Variants in CACHD1 observed in about 807,000 individuals in gnomAD.
The protein encoded by CACHD1 is VWFA and cache domain-containing protein 1.
A neutral mutation model predicts 138.7 loss-of-function variants in CACHD1; 71 were observed. The ratio of observed to expected loss-of-function variants is 0.51; its 90% CI spans 0.42 to 0.62. CACHD1 has a LOEUF of 0.62. Among genes scored for constraint, CACHD1 ranks in the 20% least tolerant of loss-of-function variants. The pLI is 0.00. For missense variants in CACHD1, 1,389 were observed against 1,625.3 expected, an observed-to-expected ratio of 0.85 and a Z score of 2.50; for synonymous variants, 578 against 591.5, an observed-to-expected ratio of 0.98 and a Z score of 0.33.
chr1:64,495,706 A>G (rs988984875), intron 1 of CACHD1, among the ~76,000 whole-genome samples: 2 of 143,204 alleles, frequency 1.4e-5, no homozygotes, highest in African/African-American at 5.2e-5. Context: ...TTTTTTTTTG[A>G]CCCTTTTTGA....
chr1:64,648,117 G>T lies in CACHD1; in HGVS notation c.1390+83G>T. The T allele has an allele frequency of 4.7e-6, 5 of 1,067,012 alleles. No individual in the cohort carries two copies. The Middle Eastern group carries it at 1.1e-3, about 237-fold the overall frequency. 66.1% of individuals were successfully genotyped at this position (1,067,012 alleles called of 1,614,324 possible). On this transcript the variant is annotated intron_variant, in intron 9 of 26. Coordinates refer to ENST00000651257, the MANE Select transcript of CACHD1 (RefSeq NM_020925.4). ...TGGCACCTCTTTCTCAGGATCATAG[G>T]GTTTCTTAGCACCCCTGCCACCTGT... is the stretch of plus-strand genomic sequence containing the variant.
Position 64,530,926 on chromosome 1 carries a change from T to TTG in CACHD1, c.199-19667_199-19666insGT, listed in dbSNP as rs1461242579. On this transcript the variant is annotated intron_variant, in intron 1 of 26. Transcript: ENST00000651257. ...ATGTGTATCAACATTCCATCGTGTT[T>TTG]TTTTTTGTTTTTTTTTTTTTTAGAA... Among the ~76,000 whole-genome samples, 168 of 61,748 alleles carry TTG rather than the reference T, an allele frequency of 2.7e-3. 2 individuals are homozygous for TTG. The highest frequency in any genetic ancestry group is 7.6e-3 in the African/African-American group (158 of 20,862). The allele number at this position is 61,748 out of a possible 152,430, so 40.5% of individuals were successfully genotyped here. A position where few individuals can be genotyped will look rare whatever the true frequency, so the allele number is the denominator to read the frequency against.
intron 1 of CACHD1, among the ~76,000 whole-genome samples, chr1:64,496,409 C>A (rs1646306634): frequency 6.6e-6 from 1 of 151,970 alleles, no homozygotes; most frequent in Admixed American, 6.6e-5. Flanking sequence ...CTACATCTGG[C>A]CATATATATG....
chr1:64,657,790 G>A (rs747316972), intron 12 of CACHD1, among the ~76,000 whole-genome samples: 2 of 152,060 alleles, frequency 1.3e-5, no homozygotes, highest in Non-Finnish European at 2.9e-5. Flanking sequence ...ATAAGGCACC[G>A]TTCTTTAGTT....
chr1:64,492,968 A>T (rs1646287034), intron 1 of CACHD1, among the ~76,000 whole-genome samples: 1 of 152,218 alleles, frequency 6.6e-6, no homozygotes, highest in Non-Finnish European at 1.5e-5. Flanking sequence ...AATAGTGCCC[A>T]GGCCAAAACT....
In CACHD1 at chr1:64,540,979, A is replaced by AGT. The variant is rs369916212; in HGVS notation, c.199-9597_199-9596dup. 2.4e-3 allele frequency among the ~76,000 whole-genome samples: 361 copies of AGT among 150,582 alleles called. 4 individuals carry two copies. The highest frequency in any genetic ancestry group is 6.3e-3 in the African/African-American group (260 of 41,242). On this transcript the variant is annotated intron_variant, in intron 1 of 26. Coordinates refer to ENST00000651257, the MANE Select transcript of CACHD1 (RefSeq NM_020925.4). Reference sequence around the variant, plus strand: ...AACTTGAAGTATCCAAGTGGCTGTGAGTGTGTGTGTGTGTGTGTGCACGCC... The same window carrying AGT: ...AACTTGAAGTATCCAAGTGGCTGTGAGTGTGTGTGTGTGTGTGTGTGCACGCC...
intron 13 of CACHD1, among the ~76,000 whole-genome samples, chr1:64,660,591 C>G (rs1191636434): frequency 6.6e-6 from 1 of 151,712 alleles, no homozygotes; most frequent in African/African-American, 2.4e-5. Context: ...AGTACAGTGG[C>G]ACGATCTTGG....
intron 22 of CACHD1, 124 bp downstream of exon 22, chr1:64,677,135 C>G (rs1650019099): frequency 6.8e-6 from 5 of 737,234 alleles, no homozygotes; most frequent in Non-Finnish European, 1.1e-5. Flanking sequence ...CCTTTACCCA[C>G]CAGATTAAAT....
At chr1:64,598,531 C>T (rs1200416515) in intron 3 of CACHD1, among the ~76,000 whole-genome samples, 2 of 152,194 alleles carry the variant, frequency 1.3e-5, no homozygotes, top group Non-Finnish European at 2.9e-5. Flanking sequence ...CACCTTCCAG[C>T]AACTGTGCTA....
At chr1:64,511,053 T>C (rs1412352911) in intron 1 of CACHD1, among the ~76,000 whole-genome samples, 1 of 152,214 alleles carries the variant, frequency 6.6e-6, no homozygotes, top group Admixed American at 6.5e-5. Flanking sequence ...GTAAAACGCC[T>C]TTTAGATCAT....
chr1:64,540,178 A>G (rs1169478716), intron 1 of CACHD1, among the ~76,000 whole-genome samples: 1 of 152,198 alleles, frequency 6.6e-6, no homozygotes. Flanking sequence ...ATTTGTGTGC[A>G]TTCGTGTACA....
At position 64,470,893 on chromosome 1, in the gene CACHD1, G is replaced by C; in HGVS notation, c.149G>C (p.Ser50Thr). The change falls in exon 1 of 27, where the codon AGC (serine) becomes ACC (threonine). Residue 50 changes from serine (S) to threonine (T), a missense_variant. Transcript: ENST00000651257. The surrounding 1 kb of genome is among the most constrained non-coding windows in gnomAD (Gnocchi z 5.2). ...SILDEAQVLA[S>T]QMRRLAAEEL... is the part of the protein sequence containing the mutation. The stretch of plus-strand genomic sequence containing the variant: ...CTGGACGAGGCGCAAGTGCTGGCGA[G>C]CCAGATGCGGAGGCTGGCGGCCGAG... 1.9e-6 allele frequency: 3 copies of C among 1,609,188 alleles called. No individual in the cohort carries two copies. Among genetic ancestry groups the C allele is most frequent in the Non-Finnish European group, 2.5e-6 (3 of 1,178,524 alleles).
chr1:64,674,837 A>G (rs1649932258), intron 19 of CACHD1, among the ~76,000 whole-genome samples: 1 of 152,218 alleles, frequency 6.6e-6, no homozygotes, highest in Non-Finnish European at 1.5e-5. Flanking sequence ...GAAACTTGCT[A>G]TCACATTTTC....
At chr1:64,573,597 G>C (rs950778576) in intron 2 of CACHD1, among the ~76,000 whole-genome samples, 2 of 152,096 alleles carry the variant, frequency 1.3e-5, no homozygotes, top group African/African-American at 4.8e-5. Context: ...TAGGTTATCT[G>C]CCTTTGTCTA....
chr1:64,671,078 G>A (rs930859415), intron 16 of CACHD1, among the ~76,000 whole-genome samples: 1 of 152,158 alleles, frequency 6.6e-6, no homozygotes, highest in African/African-American at 2.4e-5. Flanking sequence ...AAAAAAACTG[G>A]ACTAGACATT....
chr1:64,629,792 G>A (rs117601496), intron 5 of CACHD1, among the ~76,000 whole-genome samples: 1 of 152,146 alleles, frequency 6.6e-6, no homozygotes, highest in Admixed American at 6.5e-5. Context: ...AAATGTAAAT[G>A]ATGGTACCTT....
Position 64,527,155 on chromosome 1 carries a change from A to T in CACHD1, c.199-23439A>T, listed in dbSNP as rs376234364. Among the ~76,000 whole-genome samples, 29 of 152,208 alleles carry T rather than the reference A, an allele frequency of 1.9e-4. 1 individual carries two copies. The highest frequency in any genetic ancestry group is 1.7e-3 in the East Asian group (9 of 5,180). On this transcript the variant is annotated intron_variant, in intron 1 of 26. Transcript: ENST00000651257. ...TTCTTACTATGGCGTAAAATGGATG[A>T]GTGCAAGTGCAGGACCACGGAGCGG...
intron 1 of CACHD1, among the ~76,000 whole-genome samples, chr1:64,496,642 A>G (rs1646307709): frequency 6.6e-6 from 1 of 152,166 alleles, no homozygotes; most frequent in South Asian, 2.1e-4. Context: ...CCTAACATGA[A>G]ACTTAATAGT....
At chr1:64,566,691 G>A (rs868731857) in intron 2 of CACHD1, among the ~76,000 whole-genome samples, 5 of 150,150 alleles carry the variant, frequency 3.3e-5, no homozygotes, top group African/African-American at 1.2e-4. Flanking sequence ...TTTTTAAATG[G>A]TCTATCACTT....
Sources: gnomAD v4.1 joint callset for allele counts (sites outside exome capture counted in the v4.1 genomes callset) on GRCh38, gnomAD v4.1.1 for gene constraint, Gnocchi (gnomAD v3.1) non-coding constraint, MANE v1.5 for transcripts, NCBI Gene and HGNC (gene_info 2026-07-23, HGNC 2026-07-21) for gene names.